ZNF280D: variants seen among roughly 807,000 people sequenced by gnomAD.
ZNF280D encodes zinc finger protein 280D, also known as suppressor of hairy wing homolog 4.
Under a neutral mutation model 94.7 loss-of-function variants are expected in ZNF280D, and 39 were observed. That is an observed-to-expected ratio of 0.41 (90% CI 0.32 to 0.54). The LOEUF is 0.54. Ranked by LOEUF, ZNF280D falls within the 20% of genes least tolerant of loss-of-function variation. The pLI is 0.22. For missense variants in ZNF280D, 1,090 were observed against 1,149.3 expected, an observed-to-expected ratio of 0.95 and a Z score of 0.75; for synonymous variants, 398 against 377.6, an observed-to-expected ratio of 1.05 and a Z score of -0.63.
rs769491996 is a variant in ZNF280D at position 56,668,933 on chromosome 15, T to C, written c.1435A>G (p.Lys479Glu). The C allele has an allele frequency of 6.2e-7, 1 of 1,611,546 alleles. No homozygotes were observed. The highest frequency in any genetic ancestry group is 1.3e-5 in the African/African-American group (1 of 74,758). The change falls in exon 14 of 22, where the codon AAA becomes GAA. Residue 479 changes from lysine (K) to glutamate (E), a missense_variant. Lys to Glu is a moderately conservative substitution (Grantham distance 56). Around this residue, in one of 3 missense-constraint regions of ZNF280D, gnomAD observed 127 missense variants for 208.6 expected, o/e 0.61. Transcript: ENST00000267807. The stretch of plus-strand genomic sequence containing the variant: ...CATGTCAAAAACTGCAGCCTGCATT[T>C]TGTACAACGATGTATTCCTTTTTTC... The part of the protein sequence containing the change: ...HQKKGIHRCT[K>E]CRLQFLTCKE...
chr15:56,682,116 G>A (rs1481917614), intron 10 of ZNF280D, 138 bp downstream of exon 10: 1 of 585,526 alleles, frequency 1.7e-6, no homozygotes, highest in East Asian at 3.3e-5. Flanking sequence ...TTTTCAACAA[G>A]AGAATCCGCC....
chr15:56,731,508 A>AAG (rs1255164223), intron 1 of ZNF280D, among the ~76,000 whole-genome samples: 18 of 144,572 alleles, frequency 1.2e-4, no homozygotes, highest in Non-Finnish European at 1.8e-4. Context: ...ACCTATCTCA[A>AAG]AAAAAAAAAA....
chr15:56,686,041 G>A (rs1216811054), intron 9 of ZNF280D, among the ~76,000 whole-genome samples: 2 of 152,174 alleles, frequency 1.3e-5, no homozygotes, highest in African/African-American at 4.8e-5. Context: ...CAGGGGTTGT[G>A]AGTCTAACAT....
chr15:56,676,778 T>A lies in ZNF280D; in HGVS notation c.1302A>T (p.Glu434Asp). 6.2e-7 allele frequency: 1 copy of A among 1,607,092 alleles called. No homozygotes were observed. The change falls in exon 13 of 22, where the codon GAA becomes GAT. Residue 434 changes from glutamate to aspartate, a missense_variant. Around this residue, in one of 3 missense-constraint regions of ZNF280D, gnomAD observed 127 missense variants for 208.6 expected, o/e 0.61. Transcript: ENST00000267807. Reference protein sequence around the residue: ...NYRSSSFSDVETHFRTSHENT... With the variant: ...NYRSSSFSDVDTHFRTSHENT... ...TTTCATGGGATGTTCTAAAATGAGT[T>A]TCTACATCAGAAAATGATGATGATC...
At chr15:56,657,844 AAC>A in intron 17 of ZNF280D, among the ~76,000 whole-genome samples, 1 of 152,278 alleles carries the variant, frequency 6.6e-6, no homozygotes, top group East Asian at 1.9e-4. Flanking sequence ...GGAGTTATCA[AAC>A]AGACCAGCAA....
chr15:56,637,291 G>A (rs1339204725), intron 20 of ZNF280D, among the ~76,000 whole-genome samples: 1 of 151,430 alleles, frequency 6.6e-6, no homozygotes, highest in Non-Finnish European at 1.5e-5. Flanking sequence ...TCTCACCTCA[G>A]TCTCCTGAGT....
chr15:56,727,852 T>C (rs1467899163), intron 1 of ZNF280D, among the ~76,000 whole-genome samples: 2 of 152,086 alleles, frequency 1.3e-5, no homozygotes, highest in African/African-American at 2.4e-5. Context: ...TCCCTCAAAC[T>C]TAATCAATGA....
chr15:56,663,318 T>C (rs2054079566), intron 16 of ZNF280D, among the ~76,000 whole-genome samples: 1 of 146,082 alleles, frequency 6.8e-6, no homozygotes, highest in South Asian at 2.2e-4. Flanking sequence ...GAAAGAAAAT[T>C]AATATGGAAG....
intron 1 of ZNF280D, among the ~76,000 whole-genome samples, chr15:56,727,086 G>A (rs955070838): frequency 2.0e-5 from 3 of 152,132 alleles, no homozygotes; most frequent in Non-Finnish European, 4.4e-5. Flanking sequence ...GGAAAATAAC[G>A]GTTATTTTAG....
chr15:56,644,600 A>G (rs913461059), intron 19 of ZNF280D, among the ~76,000 whole-genome samples: 3 of 152,188 alleles, frequency 2.0e-5, no homozygotes, highest in Non-Finnish European at 4.4e-5. Flanking sequence ...AACTTATCGT[A>G]GTAAATGTTA....
At chr15:56,726,871 A>G (rs1367946005) in intron 1 of ZNF280D, among the ~76,000 whole-genome samples, 1 of 152,206 alleles carries the variant, frequency 6.6e-6, no homozygotes, top group Non-Finnish European at 1.5e-5. Flanking sequence ...GAATTAAACT[A>G]TGAAAAGACA....
rs552029462 is a variant in ZNF280D at position 56,731,545 on chromosome 15, T to G, written c.-86+1913A>C. Among the ~76,000 whole-genome samples, 7 of 151,054 alleles carry G rather than the reference T, an allele frequency of 4.6e-5. No homozygotes were observed. The East Asian group carries it at 1.4e-3, about 29-fold the overall frequency. ...AAAAAAAAAGACTGAAAAGGAATTTTGAAGAAATGGGGGGAAATGTGAATA... is the reference window on the plus strand; with the variant it reads ...AAAAAAAAAGACTGAAAAGGAATTTGGAAGAAATGGGGGGAAATGTGAATA... On this transcript the variant is annotated intron_variant, in intron 1 of 21. Transcript: ENST00000267807.
intron 7 of ZNF280D, 110 bp from the exon 8 acceptor site, chr15:56,689,580 T>C: frequency 1.5e-6 from 1 of 684,362 alleles, no homozygotes; most frequent in Non-Finnish European, 2.2e-6. Flanking sequence ...TGAATTATCA[T>C]ATCATGACAA....
chr15:56,678,546 C>T, intron 11 of ZNF280D, 118 bp downstream of exon 11: 4 of 984,222 alleles, frequency 4.1e-6, no homozygotes, highest in Middle Eastern at 3.6e-4. Context: ...CAATTTTGCC[C>T]TCAAATTCCA....
At chr15:56,672,029 T>C (rs2054899648) in intron 13 of ZNF280D, among the ~76,000 whole-genome samples, 1 of 152,138 alleles carries the variant, frequency 6.6e-6, no homozygotes, top group African/African-American at 2.4e-5. Flanking sequence ...CACATTGACT[T>C]TGTACCTTGG....
At chr15:56,728,707 G>A (rs2058745401) in intron 1 of ZNF280D, among the ~76,000 whole-genome samples, 1 of 152,076 alleles carries the variant, frequency 6.6e-6, no homozygotes, top group Admixed American at 6.5e-5. Flanking sequence ...AACTTAAGAT[G>A]GTTCAACTTA....
intron 13 of ZNF280D, among the ~76,000 whole-genome samples, chr15:56,669,782 C>A (rs1283895739): frequency 8.0e-6 from 1 of 125,302 alleles, no homozygotes; most frequent in Non-Finnish European, 1.6e-5. Context: ...TAGCTAGTTA[C>A]TGACATTACC....
At chr15:56,649,434 G>A (rs1253965618) in intron 19 of ZNF280D, among the ~76,000 whole-genome samples, 1 of 152,036 alleles carries the variant, frequency 6.6e-6, no homozygotes, top group African/African-American at 2.4e-5. Flanking sequence ...TACATACCAG[G>A]AGCAAATATA....
chr15:56,709,463 G>T lies in ZNF280D; in HGVS notation c.-85-2157C>A, dbSNP rs1468952937. ...GAAGACAGTGTGGCGATTCCTCAAG[G>T]ATCTAGTACTAGAAATACCATTTGA... On this transcript the variant is annotated intron_variant, in intron 1 of 21. Transcript: ENST00000267807. Among the ~76,000 whole-genome samples the T allele has an allele frequency of 2.0e-5, 3 of 152,188 alleles. No individual in the cohort carries two copies. In the East Asian group the frequency reaches 5.8e-4, roughly 29 times the overall value.
Sources: gnomAD v4.1 joint callset for allele counts (sites outside exome capture counted in the v4.1 genomes callset) on GRCh38, gnomAD v4.1.1 for gene constraint, gnomAD v4.1.1 regional missense constraint, MANE v1.5 for transcripts, NCBI Gene and HGNC (gene_info 2026-07-23, HGNC 2026-07-21) for gene names.